KLHL28: variants seen among roughly 807,000 people sequenced by gnomAD.
KLHL28 encodes the protein kelch-like protein 28.
KLHL28 carries 22 observed loss-of-function variants against 48.3 expected under a neutral mutation model. That is an observed-to-expected ratio of 0.46 (90% CI 0.33 to 0.65). The LOEUF is 0.65. Ranked by LOEUF, KLHL28 falls within the 30% of genes least tolerant of loss-of-function variation. The probability of loss-of-function intolerance (pLI) is 0.03; values close to 1 mark genes in which losing one functional copy is unlikely to be tolerated. For missense variants in KLHL28, 527 were observed against 704.3 expected (o/e 0.75, Z 2.85); for synonymous variants, 243 against 242.4 (o/e 1.00, Z -0.02).
Position 44,928,722 on chromosome 14 carries a change from T to C in KLHL28, c.*306A>G, listed in dbSNP as rs1354244664. The C allele has an allele frequency of 6.0e-6, 1 of 167,242 alleles. No homozygotes were observed. Among genetic ancestry groups the C allele is most frequent in the African/African-American group, 2.4e-5 (1 of 41,342 alleles). The allele number at this position is 167,242 out of a possible 1,614,324, so 10.4% of individuals were successfully genotyped here. On this transcript the variant is annotated 3_prime_UTR_variant, in exon 5 of 5. Coordinates refer to ENST00000396128, the MANE Select transcript of KLHL28 (RefSeq NM_017658.5). ...AAAAAAAAAGCAGCCACGTTTTGTC[T>C]ACATGTACACTTATGAACATAAAAC...
intron 1 of KLHL28, among the ~76,000 whole-genome samples, chr14:44,958,738 T>C (rs770419173): frequency 6.6e-5 from 10 of 152,152 alleles, no homozygotes; most frequent in African/African-American, 2.4e-4. Context: ...GCGTCTAAGT[T>C]ACATAATTAA....
intron 2 of KLHL28, among the ~76,000 whole-genome samples, chr14:44,939,918 T>C (rs1883997997): frequency 6.6e-6 from 1 of 152,212 alleles, no homozygotes; most frequent in African/African-American, 2.4e-5. Context: ...GTTTTAACAA[T>C]GGCCCCACTT....
At chr14:44,957,597 A>G (rs1258851619) in intron 1 of KLHL28, among the ~76,000 whole-genome samples, 1 of 152,196 alleles carries the variant, frequency 6.6e-6, no homozygotes, top group African/African-American at 2.4e-5. Context: ...AGCATCTAGA[A>G]TACCTTTGAC....
chr14:44,926,245 C>T lies in KLHL28; in HGVS notation c.*2783G>A, dbSNP rs1249758022. 1 of 152,142 alleles carries T rather than the reference C, an allele frequency of 6.6e-6. No homozygotes were observed. Among genetic ancestry groups the T allele is most frequent in the Non-Finnish European group, 1.5e-5 (1 of 68,006 alleles). 9.4% of individuals were successfully genotyped at this position (152,142 alleles called of 1,614,324 possible). A position where few individuals can be genotyped will look rare whatever the true frequency, so the allele number is the denominator to read the frequency against. On this transcript the variant is annotated 3_prime_UTR_variant, in exon 5 of 5. Transcript: ENST00000396128. ...GTTAAGCAATCCTAAAATAAATATACTTCTAAATTTTGAACATTTTTCCTC... is the reference window on the plus strand; with the variant it reads ...GTTAAGCAATCCTAAAATAAATATATTTCTAAATTTTGAACATTTTTCCTC...
intron 4 of KLHL28, 57 bp from the exon 5 acceptor site, chr14:44,929,248 T>C: frequency 7.2e-7 from 1 of 1,397,800 alleles, no homozygotes; most frequent in Non-Finnish European, 9.7e-7. Context: ...GTATACTTTT[T>C]CTCACTAAAA....
chr14:44,949,258 G>A (rs1884473934), intron 1 of KLHL28, among the ~76,000 whole-genome samples: 1 of 152,020 alleles, frequency 6.6e-6, no homozygotes, highest in Non-Finnish European at 1.5e-5. Flanking sequence ...TTTGACTTGT[G>A]AATACCGATA....
intron 1 of KLHL28, among the ~76,000 whole-genome samples, chr14:44,946,541 C>A (rs1478773577): frequency 6.7e-6 from 1 of 150,132 alleles, no homozygotes; most frequent in Non-Finnish European, 1.5e-5. Context: ...TATACCATAC[C>A]CACTCAACTC....
rs1645585524 is a variant in KLHL28 at position 44,934,452 on chromosome 14, T to C, written c.1006A>G (p.Ile336Val). Residue 336 changes from isoleucine (I) to valine (V), a missense_variant, in exon 3 of 5, where the codon ATA becomes GTA. Ile to Val is a conservative substitution (Grantham distance 29). Transcript: ENST00000396128. ...CGCACATTAGTTGCAATACCACCTA[T>C]AACATATACTTTTTGGTCTAAAACG... The part of the protein sequence containing the change: ...ICVLDQKVYV[I>V]GGIATNVRPG... 6.2e-7 allele frequency: 1 copy of C among 1,614,088 alleles called. No individual in the cohort carries two copies. The highest frequency in any genetic ancestry group is 8.5e-7 in the Non-Finnish European group (1 of 1,179,974).
chr14:44,939,985 T>C (rs1884000997), intron 2 of KLHL28, among the ~76,000 whole-genome samples: 1 of 152,202 alleles, frequency 6.6e-6, no homozygotes, highest in Non-Finnish European at 1.5e-5. Flanking sequence ...AAATACTGGG[T>C]AATTTATAAA....
intron 1 of KLHL28, among the ~76,000 whole-genome samples, chr14:44,951,025 G>A (rs888086895): frequency 6.6e-6 from 1 of 152,206 alleles, no homozygotes; most frequent in Non-Finnish European, 1.5e-5. Flanking sequence ...CTTACAGATT[G>A]AAAAGAAGAT....
intron 1 of KLHL28, among the ~76,000 whole-genome samples, chr14:44,960,562 A>G (rs891035700): frequency 6.6e-6 from 1 of 152,142 alleles, no homozygotes; most frequent in Non-Finnish European, 1.5e-5. Flanking sequence ...ACCTGTCCCT[A>G]AAATGAAACA....
In KLHL28 at chr14:44,945,180, C is replaced by G; in HGVS notation, c.749G>C (p.Cys250Ser). 2 of 1,614,172 alleles carry G rather than the reference C, an allele frequency of 1.2e-6. No homozygotes were observed. The highest frequency in any genetic ancestry group is 2.2e-5 in the South Asian group (2 of 91,084). ...TAGGGCTTCATTCAAAAGATGTTTA[C>G]AAGTGCGATCATCACGAATAAGATG... ...ANHLIRDDRT[C>S]KHLLNEALKY... Residue 250 changes from cysteine to serine, a missense_variant, in exon 2 of 5, where the codon TGT (cysteine) becomes TCT (serine). Physicochemically the swap from Cys to Ser is moderately radical, Grantham distance 112. Coordinates refer to ENST00000396128, the MANE Select transcript of KLHL28 (RefSeq NM_017658.5).
chr14:44,934,040 A>T, intron 3 of KLHL28, 75 bp downstream of exon 3: 2 of 1,228,018 alleles, frequency 1.6e-6, no homozygotes, highest in Non-Finnish European at 2.3e-6. Context: ...CAAATTGTTT[A>T]AAACTCAGAA....
At chr14:44,935,905 T>TATATA (rs1233257500) in intron 2 of KLHL28, among the ~76,000 whole-genome samples, 4 of 123,702 alleles carry the variant, frequency 3.2e-5, no homozygotes, top group Non-Finnish European at 7.2e-5. Context: ...TATATATATC[T>TATATA]TTACCCTCCC....
chr14:44,943,598 A>C (rs991966934), intron 2 of KLHL28, among the ~76,000 whole-genome samples: 7 of 152,312 alleles, frequency 4.6e-5, no homozygotes, highest in African/African-American at 1.7e-4. Context: ...CGGAGGTTGC[A>C]GTGAGCTGAG....
At chr14:44,942,679 T>C (rs569788070) in intron 2 of KLHL28, among the ~76,000 whole-genome samples, 3 of 152,270 alleles carry the variant, frequency 2.0e-5, no homozygotes, top group South Asian at 4.1e-4. Context: ...TATCATGCCA[T>C]TGTGTCTTTG....
chr14:44,952,142 G>A (rs190373098), intron 1 of KLHL28, among the ~76,000 whole-genome samples: 14 of 152,272 alleles, frequency 9.2e-5, no homozygotes, highest in African/African-American at 3.4e-4. Context: ...TTACAGGTGT[G>A]AGCCACTGAG....
At chr14:44,946,397 C>T (rs1884336910) in intron 1 of KLHL28, among the ~76,000 whole-genome samples, 1 of 152,046 alleles carries the variant, frequency 6.6e-6, no homozygotes, top group African/African-American at 2.4e-5. Flanking sequence ...ACATACTTTA[C>T]CCAAAATTTC....
intron 1 of KLHL28, chr14:44,960,981 G>A (rs1478201698): frequency 2.7e-6 from 3 of 1,093,470 alleles, no homozygotes; most frequent in African/African-American, 3.2e-5. Flanking sequence ...TCATTCAAAA[G>A]TAATAGTATT....
Sources: allele counts gnomAD v4.1 joint callset (sites outside exome capture counted in the v4.1 genomes callset), GRCh38; gene constraint gnomAD v4.1.1; transcripts MANE v1.5; gene names NCBI Gene and HGNC (gene_info 2026-07-23, HGNC 2026-07-21).